Variants in ANKH observed in about 807,000 individuals in gnomAD.
ANKH encodes mineralization regulator ANKH.
ANKH carries 15 observed loss-of-function variants against 49.0 expected under a neutral mutation model. That is an observed-to-expected ratio of 0.31 (90% CI 0.20 to 0.47). The LOEUF is 0.47. ANKH is among the 20% of genes least tolerant of loss of function. The probability of loss-of-function intolerance (pLI) is 1.00; values close to 1 mark genes in which losing one functional copy is unlikely to be tolerated. For missense variants in ANKH, 429 were observed against 652.0 expected (o/e 0.66, Z 3.72); for synonymous variants, 273 against 260.0 (o/e 1.05, Z -0.48).
At position 14,758,541 on chromosome 5, in the gene ANKH, A is replaced by T; in HGVS notation, c.371T>A (p.Val124Glu). ...INKLHHVDESVGSKTRRAFLY... is the reference protein window; with the variant it reads ...INKLHHVDESEGSKTRRAFLY... Reference sequence around the variant, plus strand: ...GAAGGCCCTTCTCGTCTTGCTCCCCACCGACTCGTCCACATGGTGCAGTTT... The same window carrying T: ...GAAGGCCCTTCTCGTCTTGCTCCCCTCCGACTCGTCCACATGGTGCAGTTT... The change falls in exon 3 of 12, where the codon GTG (valine) becomes GAG (glutamate). Residue 124 changes from valine to glutamate, a missense_variant. Val to Glu is a moderately radical substitution (Grantham distance 121). Coordinates refer to ENST00000284268, the MANE Select transcript of ANKH (RefSeq NM_054027.6). 6.2e-7 allele frequency: 1 copy of T among 1,614,180 alleles called. No homozygotes were observed.
intron 1 of ANKH, among the ~76,000 whole-genome samples, chr5:14,857,491 C>T (rs1358795075): frequency 1.3e-5 from 2 of 151,944 alleles, no homozygotes; most frequent in Admixed American, 1.3e-4. Context: ...CCCATCTCTA[C>T]TTAAAAAAAT....
chr5:14,784,435 T>A (rs1288179721), intron 1 of ANKH, among the ~76,000 whole-genome samples: 1 of 152,162 alleles, frequency 6.6e-6, no homozygotes, highest in East Asian at 1.9e-4. Context: ...GTCTCTACCA[T>A]CATCAGACTA....
At chr5:14,781,717 A>G (rs1739812200) in intron 1 of ANKH, among the ~76,000 whole-genome samples, 1 of 152,176 alleles carries the variant, frequency 6.6e-6, no homozygotes, top group Non-Finnish European at 1.5e-5. Flanking sequence ...GCCTGACAAG[A>G]AAGGATTGCT....
At chr5:14,806,250 TC>T (rs1011532272) in intron 1 of ANKH, among the ~76,000 whole-genome samples, 26 of 151,718 alleles carry the variant, frequency 1.7e-4, no homozygotes, top group African/African-American at 5.8e-4. Flanking sequence ...CTCTTGCCCC[TC>T]ACGACCTGCA....
chr5:14,707,223 A>G lies in ANKH; in HGVS notation c.*3974T>C, dbSNP rs923382842. ...AATACAAGAAAATATTTCTCAAGGA[A>G]ATGTAATTACAACACTATAAATACT... On this transcript the variant is annotated 3_prime_UTR_variant, in exon 12 of 12. Coordinates refer to ENST00000284268, the MANE Select transcript of ANKH (RefSeq NM_054027.6). The G allele has an allele frequency of 2.6e-5, 4 of 152,180 alleles. No homozygotes were observed. The highest frequency in any genetic ancestry group is 9.6e-5 in the African/African-American group (4 of 41,452). 9.4% of individuals were successfully genotyped at this position (152,180 alleles called of 1,614,324 possible). A position where few individuals can be genotyped will look rare whatever the true frequency, so the allele number is the denominator to read the frequency against.
At chr5:14,781,144 G>A (rs1399109460) in intron 1 of ANKH, among the ~76,000 whole-genome samples, 2 of 152,154 alleles carry the variant, frequency 1.3e-5, no homozygotes, top group Non-Finnish European at 2.9e-5. Flanking sequence ...GGGTTAAATT[G>A]GATCATTTGT....
rs923518253 is a variant in ANKH, at chr5:14,801,255, C to T, written c.97-32064G>A. Among the ~76,000 whole-genome samples the T allele has an allele frequency of 1.3e-4, 20 of 152,274 alleles. 2 individuals carry two copies. Among genetic ancestry groups the T allele is most frequent in the Admixed American group, 1.2e-3 (18 of 15,294 alleles). Reference sequence around the variant, plus strand: ...TCTTTACATAGAACCCTATTAGATGCCTTCTTGATCTTTAAGTCCTTAAAT... The same window carrying T: ...TCTTTACATAGAACCCTATTAGATGTCTTCTTGATCTTTAAGTCCTTAAAT... On this transcript the variant is annotated intron_variant, in intron 1 of 11. Coordinates refer to ENST00000284268, the MANE Select transcript of ANKH (RefSeq NM_054027.6).
intron 1 of ANKH, among the ~76,000 whole-genome samples, chr5:14,836,891 A>G (rs1741671549): frequency 6.6e-6 from 1 of 152,230 alleles, no homozygotes; most frequent in Non-Finnish European, 1.5e-5. Flanking sequence ...ACAGTAACCA[A>G]AACAGCATGA....
intron 8 of ANKH, among the ~76,000 whole-genome samples, chr5:14,738,297 C>T (rs1738248731): frequency 6.6e-6 from 1 of 152,192 alleles, no homozygotes; most frequent in African/African-American, 2.4e-5. Context: ...ACTCAAATGT[C>T]AGGGCCTGGA....
rs962103092 is a variant in ANKH, at chr5:14,770,793, G to A, written c.97-1602C>T. ...ACTAGTGTAATGTAGTTTACATTAGGGCTTACTCTTGGTATATTGTACATT... is the reference window on the plus strand; with the variant it reads ...ACTAGTGTAATGTAGTTTACATTAGAGCTTACTCTTGGTATATTGTACATT... On this transcript the variant is annotated intron_variant, in intron 1 of 11. Coordinates refer to ENST00000284268, the MANE Select transcript of ANKH (RefSeq NM_054027.6). This position sits in a 1 kb window ranked among gnomAD's most constrained non-coding sequence, Gnocchi z 4.1. Among the ~76,000 whole-genome samples, 5 of 152,062 alleles carry A rather than the reference G, an allele frequency of 3.3e-5. No homozygotes were observed. Among genetic ancestry groups the A allele is most frequent in the African/African-American group, 1.2e-4 (5 of 41,406 alleles).
Position 14,737,961 on chromosome 5 carries a change from G to A in ANKH, c.1011+3866C>T, listed in dbSNP as rs544481812. The stretch of plus-strand genomic sequence containing the variant: ...AACCTCCGGCTAAGCATGCCTAACC[G>A]CAGCTCTGAAGGACTGAAAGCAAGA... On this transcript the variant is annotated intron_variant, in intron 8 of 11. Coordinates refer to ENST00000284268, the MANE Select transcript of ANKH (RefSeq NM_054027.6). The surrounding 1 kb of genome is among the most constrained non-coding windows in gnomAD (Gnocchi z 5.0). Among the ~76,000 whole-genome samples the A allele has an allele frequency of 3.3e-5, 5 of 152,252 alleles. No individual in the cohort carries two copies. The highest frequency in any genetic ancestry group is 4.2e-4 in the South Asian group (2 of 4,818).
intron 8 of ANKH, 42 bp from the exon 9 acceptor site, chr5:14,716,877 T>C (rs1737486244): frequency 6.2e-7 from 1 of 1,610,438 alleles, no homozygotes; most frequent in Non-Finnish European, 8.5e-7. Flanking sequence ...GGAAAAAGTG[T>C]AAGCAGGTGA....
chr5:14,848,741 GCTT>G (rs1742040754), intron 1 of ANKH, among the ~76,000 whole-genome samples: 1 of 152,188 alleles, frequency 6.6e-6, no homozygotes, highest in African/African-American at 2.4e-5. Flanking sequence ...GTGACCCACG[GCTT>G]CTAATAGAGC....
chr5:14,728,888 T>C (rs1448897322), intron 8 of ANKH, among the ~76,000 whole-genome samples: 3 of 152,034 alleles, frequency 2.0e-5, no homozygotes, highest in Non-Finnish European at 4.4e-5. Flanking sequence ...GGTGGAGTCC[T>C]TGGGGTGCCG....
chr5:14,789,195 T>G (rs888725430), intron 1 of ANKH, among the ~76,000 whole-genome samples: 2 of 151,934 alleles, frequency 1.3e-5, no homozygotes, highest in African/African-American at 4.8e-5. Context: ...GCCACTGCAC[T>G]CCAGCCTGGG....
chr5:14,716,882 A>C (rs1203817018), intron 8 of ANKH, 47 bp from the exon 9 acceptor site: 1 of 1,607,780 alleles, frequency 6.2e-7, no homozygotes. Context: ...AAGTGTAAGC[A>C]GGTGAAATGA....
intron 1 of ANKH, among the ~76,000 whole-genome samples, chr5:14,794,060 A>G (rs554961819): frequency 3.3e-5 from 5 of 152,352 alleles, no homozygotes; most frequent in African/African-American, 4.8e-5. Flanking sequence ...ATCTCTTTAC[A>G]CTGGTGAGAA....
At chr5:14,751,354 T>G (rs937622407) in intron 4 of ANKH, 115 bp from the exon 5 acceptor site, 2 of 1,140,356 alleles carry the variant, frequency 1.8e-6, no homozygotes, top group Admixed American at 2.0e-5. Flanking sequence ...ATCTTGACTT[T>G]TATGCAAACA....
chr5:14,724,356 A>G (rs943580597), intron 8 of ANKH, among the ~76,000 whole-genome samples: 2 of 152,104 alleles, frequency 1.3e-5, no homozygotes, highest in Non-Finnish European at 2.9e-5. Flanking sequence ...AAAAACCCCA[A>G]AACATTTTCA....
Sources: allele counts gnomAD v4.1 joint callset (sites outside exome capture counted in the v4.1 genomes callset), GRCh38; gene constraint gnomAD v4.1.1; non-coding constraint Gnocchi (gnomAD v3.1); transcripts MANE v1.5; gene names NCBI Gene and HGNC (gene_info 2026-07-23, HGNC 2026-07-21).